The following PRLR variants were observed in gnomAD, a reference collection of about 807,000 sequenced individuals.
The protein encoded by PRLR is prolactin receptor, also known as hPRL receptor.
In PRLR, 13 loss-of-function variants were observed where a neutral mutation model predicts 40.2. The observed-to-expected ratio is 0.32, with a 90% CI of 0.21 to 0.51. The LOEUF is 0.51. Ranked by LOEUF, PRLR falls within the 20% of genes least tolerant of loss-of-function variation. The pLI, the probability that PRLR is intolerant of heterozygous loss-of-function variation, is 0.97. For missense variants in PRLR, 656 were observed against 747.3 expected (o/e 0.88, Z 1.42); for synonymous variants, 269 against 278.7 (o/e 0.97, Z 0.35).
intron 1 of PRLR, among the ~76,000 whole-genome samples, chr5:35,207,039 C>T (rs963617083): frequency 2.0e-5 from 3 of 151,988 alleles, no homozygotes; most frequent in Non-Finnish European, 2.9e-5. Context: ...TTTCATTTGT[C>T]GCATTTCCCA....
At chr5:35,084,687 G>T in intron 4 of PRLR, 48 bp from the exon 5 acceptor site, 1 of 1,558,490 alleles carries the variant, frequency 6.4e-7, no homozygotes, top group Admixed American at 1.9e-5. Flanking sequence ...AATAAAGAGA[G>T]TCTAGTTTTT....
intron 1 of PRLR, among the ~76,000 whole-genome samples, chr5:35,209,983 C>A (rs1251455233): frequency 6.6e-6 from 1 of 152,218 alleles, no homozygotes; most frequent in Non-Finnish European, 1.5e-5. Context: ...AAGGCTTCCT[C>A]TTGCTCCTTG....
In PRLR at chr5:35,192,387, C is replaced by T. The variant is rs1390895497; in HGVS notation, c.-106+37881G>A. Among the ~76,000 whole-genome samples, 5 of 152,214 alleles carry T rather than the reference C, an allele frequency of 3.3e-5. No homozygotes were observed. The South Asian group carries it at 6.2e-4, about 19-fold the overall frequency. On this transcript the variant is annotated intron_variant, in intron 1 of 9. Transcript: ENST00000618457. ...CCTCTCTCCCCCACCTCTTAATTCT[C>T]TAAGGACTCCAGCATATTTAAATGT...
At chr5:35,174,643 A>C (rs1454252541) in intron 1 of PRLR, among the ~76,000 whole-genome samples, 3 of 151,264 alleles carry the variant, frequency 2.0e-5, no homozygotes, top group African/African-American at 7.3e-5. Context: ...TTTCAATGAA[A>C]CCCTCCCACT....
chr5:35,199,847 T>C (rs1775833369), intron 1 of PRLR, among the ~76,000 whole-genome samples: 2 of 151,810 alleles, frequency 1.3e-5, no homozygotes, highest in African/African-American at 4.8e-5. Context: ...AATGTATCTA[T>C]TATCACAACT....
chr5:35,175,791 A>G (rs931012508), intron 1 of PRLR, among the ~76,000 whole-genome samples: 8 of 152,074 alleles, frequency 5.3e-5, no homozygotes, highest in Non-Finnish European at 1.0e-4. Flanking sequence ...TCAAGAATAC[A>G]CTTTCTCTAG....
At chr5:35,147,649 A>G (rs1213236495) in intron 1 of PRLR, among the ~76,000 whole-genome samples, 1 of 152,218 alleles carries the variant, frequency 6.6e-6, no homozygotes, top group African/African-American at 2.4e-5. Flanking sequence ...TCCTAAAACA[A>G]GAGAGGCAAA....
chr5:35,102,486 G>GTCTCCTCTCCCCTCC (rs1429962157), intron 2 of PRLR, among the ~76,000 whole-genome samples: 4 of 89,392 alleles, frequency 4.5e-5, no homozygotes, highest in African/African-American at 8.5e-5. Flanking sequence ...GTCCCGTCCC[G>GTCTCCTCTCCCCTCC]TCTCCTCTCC....
intron 1 of PRLR, among the ~76,000 whole-genome samples, chr5:35,214,415 G>A (rs1167765145): frequency 1.3e-5 from 2 of 152,088 alleles, no homozygotes; most frequent in Non-Finnish European, 1.5e-5. Flanking sequence ...CGCACTGCTC[G>A]AACCATCCAA....
intron 1 of PRLR, among the ~76,000 whole-genome samples, chr5:35,129,240 T>C (rs1579707410): frequency 6.6e-6 from 1 of 152,152 alleles, no homozygotes; most frequent in African/African-American, 2.4e-5. Context: ...AAAATTGTGA[T>C]TGGCATTTAG....
exon 9 of PRLR, chr5:35,048,864 G>A (rs1162948971): frequency 6.3e-6 from 2 of 318,232 alleles, no homozygotes; most frequent in African/African-American, 4.3e-5. Flanking sequence ...CAGTGCCTAA[G>A]GGGGACAGTG....
rs369664121 is a variant in PRLR at position 35,068,712 on chromosome 5, A to ATT, written c.785+65_785+66dup. 7.2e-4 allele frequency: 707 copies of ATT among 983,382 alleles called. 1 individual carries two copies. The highest frequency in any genetic ancestry group is 2.2e-3 in the African/African-American group (134 of 60,438). The allele number at this position is 983,382 out of a possible 1,614,324, so 60.9% of individuals were successfully genotyped here. A position where few individuals can be genotyped will look rare whatever the true frequency, so the allele number is the denominator to read the frequency against. On this transcript the variant is annotated intron_variant, in intron 8 of 9. Coordinates refer to ENST00000618457, the MANE Select transcript of PRLR (RefSeq NM_000949.7). ...ATCTACAGGTTTCCATCATCTTTGT[A>ATT]TTTTTTTTTTTGTCATTATCCTTGA...
intron 1 of PRLR, among the ~76,000 whole-genome samples, chr5:35,163,411 C>T (rs532711585): frequency 1.1e-4 from 16 of 152,238 alleles, no homozygotes; most frequent in Non-Finnish European, 1.8e-4. Flanking sequence ...TTTGCCTGAA[C>T]ATTAGGACTC....
intron 2 of PRLR, among the ~76,000 whole-genome samples, chr5:35,108,337 C>T (rs1238497715): frequency 2.0e-5 from 3 of 152,144 alleles, no homozygotes; most frequent in African/African-American, 7.2e-5. Context: ...CCTCTCTCAC[C>T]ACTCCTATTC....
At chr5:35,169,877 T>C (rs1026981334) in intron 1 of PRLR, among the ~76,000 whole-genome samples, 1 of 152,238 alleles carries the variant, frequency 6.6e-6, no homozygotes, top group African/African-American at 2.4e-5. Context: ...TAGCATTCTA[T>C]AATGCAGATA....
intron 1 of PRLR, among the ~76,000 whole-genome samples, chr5:35,189,662 A>T (rs1279381996): frequency 6.6e-6 from 1 of 152,040 alleles, no homozygotes; most frequent in Non-Finnish European, 1.5e-5. Context: ...ACTATTACTG[A>T]TAAAATGTGT....
At chr5:35,134,423 G>A (rs1773787342) in intron 1 of PRLR, among the ~76,000 whole-genome samples, 1 of 152,038 alleles carries the variant, frequency 6.6e-6, no homozygotes, top group South Asian at 2.1e-4. Context: ...GGGGTTGGTG[G>A]GCAGTAAATA....
At chr5:35,188,080 C>T (rs1775495616) in intron 1 of PRLR, among the ~76,000 whole-genome samples, 1 of 152,190 alleles carries the variant, frequency 6.6e-6, no homozygotes, top group Non-Finnish European at 1.5e-5. Flanking sequence ...GGTGCTGTCT[C>T]CTTAATCTCC....
chr5:35,198,889 G>A (rs1775804913), intron 1 of PRLR, among the ~76,000 whole-genome samples: 1 of 152,170 alleles, frequency 6.6e-6, no homozygotes, highest in Non-Finnish European at 1.5e-5. Flanking sequence ...TGCCTACAAT[G>A]AGAAGCTGAA....
Sources: allele counts gnomAD v4.1 joint callset (sites outside exome capture counted in the v4.1 genomes callset), GRCh38; gene constraint gnomAD v4.1.1; transcripts MANE v1.5; gene names NCBI Gene and HGNC (gene_info 2026-07-23, HGNC 2026-07-21).